The following ADAMTS2 variants were observed in gnomAD, a reference collection of about 807,000 sequenced individuals.
ADAMTS2 encodes A disintegrin and metalloproteinase with thrombospondin motifs 2.
In ADAMTS2, 50 loss-of-function variants were observed where a neutral mutation model predicts 123.0. The observed-to-expected ratio is 0.41, with a 90% CI of 0.32 to 0.51. The LOEUF (loss-of-function observed/expected upper bound fraction) is 0.51, where lower values mean the gene tolerates loss of function less well. Ranked by LOEUF, ADAMTS2 falls within the 20% of genes least tolerant of loss-of-function variation. ADAMTS2 has a pLI of 0.35. For missense variants in ADAMTS2, 1,494 were observed against 1,705.2 expected (o/e 0.88, Z 2.18); for synonymous variants, 678 against 695.4 (o/e 0.98, Z 0.39).
intron 3 of ADAMTS2, among the ~76,000 whole-genome samples, chr5:179,224,823 C>T (rs1473365127): frequency 6.8e-6 from 1 of 147,876 alleles, no homozygotes; most frequent in Non-Finnish European, 1.5e-5. Context: ...TCTGCCACCT[C>T]AGCTCCACGC....
In ADAMTS2 at chr5:179,115,033, G is replaced by T. The variant is rs1443653286; in HGVS notation, c.3179-709C>A. ...TCCCCCTATAGCACCGCCACCTTGC[G>T]CATCCAGCCATTTCCCAAAGAAACG... On this transcript the variant is annotated intron_variant, in intron 21 of 21. Coordinates refer to ENST00000251582, the MANE Select transcript of ADAMTS2 (RefSeq NM_014244.5). This position sits in a 1 kb window ranked among gnomAD's most constrained non-coding sequence, Gnocchi z 4.4. Among the ~76,000 whole-genome samples, 4 of 152,082 alleles carry T rather than the reference G, an allele frequency of 2.6e-5. No homozygotes were observed. Among genetic ancestry groups the T allele is most frequent in the Admixed American group, 1.3e-4 (2 of 15,262 alleles).
At chr5:179,267,699 G>C (rs1048218920) in intron 3 of ADAMTS2, among the ~76,000 whole-genome samples, 1 of 152,208 alleles carries the variant, frequency 6.6e-6, no homozygotes, top group Non-Finnish European at 1.5e-5. Context: ...GGTCTATATA[G>C]TGAGCACGGG....
intron 2 of ADAMTS2, among the ~76,000 whole-genome samples, chr5:179,293,884 A>T (rs1263061652): frequency 6.6e-6 from 1 of 151,900 alleles, no homozygotes; most frequent in Non-Finnish European, 1.5e-5. Flanking sequence ...GGCTTCCCAA[A>T]ATGCTGAGAT....
intron 4 of ADAMTS2, among the ~76,000 whole-genome samples, chr5:179,203,311 C>T (rs1764608264): frequency 6.6e-6 from 1 of 152,244 alleles, no homozygotes; most frequent in African/African-American, 2.4e-5. Context: ...GGCCCCCAGA[C>T]CCCGGGCTCT....
At chr5:179,247,679 T>C (rs1765833907) in intron 3 of ADAMTS2, among the ~76,000 whole-genome samples, 1 of 152,128 alleles carries the variant, frequency 6.6e-6, no homozygotes, top group South Asian at 2.1e-4. Flanking sequence ...GCTTAACAAC[T>C]GATTTGTCAT....
At position 179,162,554 on chromosome 5, in the gene ADAMTS2, C is replaced by T. The variant is rs1049864711; in HGVS notation, c.976-3675G>A. ...CCAGCTGAGCTGTTGCACACCATAC[C>T]GTATGGGCCCCTCCTGGGGCCGTCA... On this transcript the variant is annotated intron_variant, in intron 5 of 21. Transcript: ENST00000251582. The surrounding 1 kb of genome is among the most constrained non-coding windows in gnomAD (Gnocchi z 5.1). Among the ~76,000 whole-genome samples, 9 of 152,190 alleles carry T rather than the reference C, an allele frequency of 5.9e-5. No homozygotes were observed. The highest frequency in any genetic ancestry group is 1.0e-4 in the Non-Finnish European group (7 of 68,034).
At position 179,145,471 on chromosome 5, in the gene ADAMTS2, G is replaced by A. The variant is rs1378120593; in HGVS notation, c.1630-5436C>T. Among the ~76,000 whole-genome samples, 19 of 152,192 alleles carry A rather than the reference G, an allele frequency of 1.2e-4. 1 individual carries two copies. ...ACCGAAAGGTGGAAACAACCCAAATGTCCATCAACTAATAAATGATGAATA... is the reference window on the plus strand; with the variant it reads ...ACCGAAAGGTGGAAACAACCCAAATATCCATCAACTAATAAATGATGAATA... On this transcript the variant is annotated intron_variant, in intron 10 of 21. Transcript: ENST00000251582.
At position 179,185,196 on chromosome 5, in the gene ADAMTS2, A is replaced by G. The variant is rs146423435; in HGVS notation, c.892-4041T>C. 2.6e-5 allele frequency among the ~76,000 whole-genome samples: 4 copies of G among 152,206 alleles called. No homozygotes were observed. The highest frequency in any genetic ancestry group is 4.4e-5 in the Non-Finnish European group (3 of 68,044). On this transcript the variant is annotated intron_variant, in intron 4 of 21. Transcript: ENST00000251582. This position sits in a 1 kb window ranked among gnomAD's most constrained non-coding sequence, Gnocchi z 5.9. ...TCCTCTCTAAGAGCAGTGGGAGGAC[A>G]TGGAGGAAGGATGATGGCGGGGCAT... is the stretch of plus-strand genomic sequence containing the variant.
chr5:179,187,038 C>T (rs1414214403), intron 4 of ADAMTS2, among the ~76,000 whole-genome samples: 2 of 152,140 alleles, frequency 1.3e-5, no homozygotes, highest in Non-Finnish European at 2.9e-5. Flanking sequence ...TACCTCCCCA[C>T]ATGGCACCCT....
At chr5:179,127,441 C>T (rs1169410818) in intron 17 of ADAMTS2, among the ~76,000 whole-genome samples, 1 of 152,130 alleles carries the variant, frequency 6.6e-6, no homozygotes, top group Non-Finnish European at 1.5e-5. Flanking sequence ...GCACGCAGAA[C>T]AGATCAGCGC....
intron 2 of ADAMTS2, among the ~76,000 whole-genome samples, chr5:179,333,877 A>G (rs2127460247): frequency 6.6e-6 from 1 of 152,266 alleles, no homozygotes; most frequent in African/African-American, 2.4e-5. Context: ...CACAGGCGTG[A>G]GCCACTGTGC....
chr5:179,253,369 C>T (rs535698406), intron 3 of ADAMTS2, among the ~76,000 whole-genome samples: 1 of 152,260 alleles, frequency 6.6e-6, no homozygotes, highest in South Asian at 2.1e-4. Flanking sequence ...CCCGGCCGGG[C>T]GCAGTGGCTC....
chr5:179,255,479 G>C (rs950400459), intron 3 of ADAMTS2, among the ~76,000 whole-genome samples: 1 of 152,178 alleles, frequency 6.6e-6, no homozygotes, highest in Non-Finnish European at 1.5e-5. Flanking sequence ...TAGGGCTGCC[G>C]ATGTGGCCTT....
rs139870658 is a variant in ADAMTS2 at position 179,314,430 on chromosome 5, C to T, written c.534+29337G>A. Among the ~76,000 whole-genome samples the T allele has an allele frequency of 5.5e-4, 83 of 151,970 alleles. No individual in the cohort carries two copies. Among genetic ancestry groups the T allele is most frequent in the Non-Finnish European group, 8.8e-4 (60 of 68,006 alleles). ...GGCTCCTCCCCACCCCGTGGCGTGG[C>T]GTGGCGTGGCCGGAATACTCAGTTT... On this transcript the variant is annotated intron_variant, in intron 2 of 21. Transcript: ENST00000251582. This position sits in a 1 kb window ranked among gnomAD's most constrained non-coding sequence, Gnocchi z 4.5.
At chr5:179,329,270 T>G (rs1464335204) in intron 2 of ADAMTS2, among the ~76,000 whole-genome samples, 1 of 146,398 alleles carries the variant, frequency 6.8e-6, no homozygotes, top group Non-Finnish European at 1.5e-5. Context: ...GAGCTTGCAG[T>G]GAGCCGAGAT....
At chr5:179,119,250 T>A (rs185757724) in intron 21 of ADAMTS2, among the ~76,000 whole-genome samples, 3 of 152,324 alleles carry the variant, frequency 2.0e-5, no homozygotes, top group Admixed American at 2.0e-4. Flanking sequence ...TGATCAATGA[T>A]CTGAGCTCTG....
At position 179,144,295 on chromosome 5, in the gene ADAMTS2, A is replaced by C. The variant is rs570907774; in HGVS notation, c.1630-4260T>G. Among the ~76,000 whole-genome samples, 19 of 152,360 alleles carry C rather than the reference A, an allele frequency of 1.2e-4. No individual in the cohort carries two copies. In the South Asian group the frequency reaches 1.9e-3, roughly 15 times the overall value. The stretch of plus-strand genomic sequence containing the variant: ...TGAAAGAAGTTCAAGTTCTAAGTAA[A>C]TGGAAAGACATCTCAATGTTCATTG... On this transcript the variant is annotated intron_variant, in intron 10 of 21. Coordinates refer to ENST00000251582, the MANE Select transcript of ADAMTS2 (RefSeq NM_014244.5).
intron 5 of ADAMTS2, among the ~76,000 whole-genome samples, chr5:179,161,414 G>C (rs541434031): frequency 6.6e-6 from 1 of 152,118 alleles, no homozygotes; most frequent in Non-Finnish European, 1.5e-5. Flanking sequence ...TGAGCCTGGG[G>C]GACCTTATGC....
At chr5:179,186,902 C>T (rs1764185852) in intron 4 of ADAMTS2, among the ~76,000 whole-genome samples, 1 of 148,288 alleles carries the variant, frequency 6.7e-6, no homozygotes, top group African/African-American at 2.5e-5. Flanking sequence ...TCTCACCTTC[C>T]CCTTCCACTG....
Sources: gnomAD v4.1 joint callset for allele counts (sites outside exome capture counted in the v4.1 genomes callset) on GRCh38, gnomAD v4.1.1 for gene constraint, Gnocchi (gnomAD v3.1) non-coding constraint, MANE v1.5 for transcripts, NCBI Gene and HGNC (gene_info 2026-07-23, HGNC 2026-07-21) for gene names.